Variants in TSPAN32 observed in about 807,000 individuals in gnomAD.
TSPAN32 encodes the protein tetraspanin-32.
In TSPAN32, 47 loss-of-function variants were observed where a neutral mutation model predicts 42.7. The observed-to-expected ratio is 1.10, with a 90% CI of 0.87 to 1.40. TSPAN32 has a LOEUF of 1.40. Among genes scored for constraint, TSPAN32 ranks in the 40% most tolerant of loss-of-function variants. TSPAN32 has a pLI of 0.00. For missense variants in TSPAN32, 469 were observed against 424.1 expected (o/e 1.11, Z -0.93); for synonymous variants, 175 against 175.9 (o/e 0.99, Z 0.04).
At chr11:2,310,858 AG>A (rs1368847190) in intron 4 of TSPAN32, among the ~76,000 whole-genome samples, 3 of 152,068 alleles carry the variant, frequency 2.0e-5, no homozygotes, top group Admixed American at 6.5e-5. Context: ...CTTTGGTGCC[AG>A]GGCCCGGGCC....
Position 2,302,017 on chromosome 11 carries a change from C to T in TSPAN32, c.-133C>T, listed in dbSNP as rs757112917. ...GGCACCCAGCAGCTCGGTCCTAGGG[C>T]GATGTTGACAGACAGACAGAGGGGC... is the stretch of plus-strand genomic sequence containing the variant. On this transcript the variant is annotated 5_prime_UTR_variant, in exon 1 of 10. Coordinates refer to ENST00000182290, the MANE Select transcript of TSPAN32 (RefSeq NM_139022.3). 7.4e-6 allele frequency: 11 copies of T among 1,492,734 alleles called. No individual in the cohort carries two copies. The highest frequency in any genetic ancestry group is 4.2e-5 in the African/African-American group (3 of 71,450). The allele number at this position is 1,492,734 out of a possible 1,614,324, so 92.5% of individuals were successfully genotyped here.
At chr11:2,302,618 G>A (rs1847821296) in intron 1 of TSPAN32, 2 of 577,382 alleles carry the variant, frequency 3.5e-6, no homozygotes, top group African/African-American at 1.9e-5. Flanking sequence ...AAGCTGGGCT[G>A]TGCGTGTATG....
chr11:2,302,186 C>T lies in TSPAN32; in HGVS notation c.37C>T (p.Gln13Ter). 7.1e-7 allele frequency: 1 copy of T among 1,410,034 alleles called. No individual in the cohort carries two copies. Among genetic ancestry groups the T allele is most frequent in the Non-Finnish European group, 9.3e-7 (1 of 1,076,942 alleles). The allele number at this position is 1,410,034 out of a possible 1,614,324, so 87.3% of individuals were successfully genotyped here. ...GAGTCGAGTCAGGGTTGCCAAATGC[C>T]AGATGCTGGTCACCTGCTTCTTTAT... Reference protein sequence around the residue: ...PWSRVRVAKCQMLVTCFFILL... With the variant: ...PWSRVRVAKC The change falls in exon 1 of 10, where the codon CAG (glutamine) becomes TAG (stop). Residue 13 changes from glutamine (Q) to a stop codon, truncating the protein, a stop_gained. Transcript: ENST00000182290. LOFTEE classifies it high-confidence loss of function.
intron 4 of TSPAN32, 104 bp downstream of exon 4, chr11:2,308,914 G>C: frequency 1.3e-6 from 1 of 793,584 alleles, no homozygotes; most frequent in South Asian, 1.7e-5. Flanking sequence ...CCAGCTTCCA[G>C]GCTTGTGCTG....
Position 2,302,061 on chromosome 11 carries a change from G to T in TSPAN32, c.-89G>T, listed in dbSNP as rs375443053. The T allele has an allele frequency of 6.0e-4, 893 of 1,496,098 alleles. 2 individuals are homozygous for T. In the Middle Eastern group the frequency reaches 0.017, roughly 28 times the overall value. The allele number at this position is 1,496,098 out of a possible 1,614,324, so 92.7% of individuals were successfully genotyped here. A position where few individuals can be genotyped will look rare whatever the true frequency, so the allele number is the denominator to read the frequency against. On this transcript the variant is annotated 5_prime_UTR_variant, in exon 1 of 10. Transcript: ENST00000182290. The stretch of plus-strand genomic sequence containing the variant: ...GAGGGGCGGATGCAGCCTACCTCCT[G>T]GGCAGTGAGCTGCGGTCTGAGGCCC...
chr11:2,309,380 G>A lies in TSPAN32; in HGVS notation c.354+570G>A, dbSNP rs528912518. 887 of 469,432 alleles carry A rather than the reference G, an allele frequency of 1.9e-3. 8 individuals carry two copies. The highest frequency in any genetic ancestry group is 0.015 in the African/African-American group (738 of 50,170). The allele number at this position is 469,432 out of a possible 1,614,324, so 29.1% of individuals were successfully genotyped here. A position where few individuals can be genotyped will look rare whatever the true frequency, so the allele number is the denominator to read the frequency against. ...GGAGGAGGGTCCGGCCTAGCTGACCGTGGGCAGGGGCCAAGGGCGTCCCCG... is the reference window on the plus strand; with the variant it reads ...GGAGGAGGGTCCGGCCTAGCTGACCATGGGCAGGGGCCAAGGGCGTCCCCG... On this transcript the variant is annotated intron_variant, in intron 4 of 9. Transcript: ENST00000182290.
At position 2,314,524 on chromosome 11, in the gene TSPAN32, G is replaced by A; in HGVS notation, c.496G>A (p.Gly166Arg). 1 of 1,612,534 alleles carries A rather than the reference G, an allele frequency of 6.2e-7. No homozygotes were observed. Among genetic ancestry groups the A allele is most frequent in the Non-Finnish European group, 8.5e-7 (1 of 1,179,414 alleles). The change falls in exon 6 of 10, where the codon GGG (glycine) becomes AGG (arginine). Residue 166 changes from glycine to arginine, a missense_variant. Physicochemically the swap from Gly to Arg is moderately radical, Grantham distance 125. Transcript: ENST00000182290. The part of the protein sequence containing the change: ...CGKKSPFSRL[G>R]STEADLCQGE... Reference sequence around the variant, plus strand: ...GAAGAAGTCTCCTTTCAGCCGTCTGGGGAGCACAGAGGCTGACCTGTGTCA... The same window carrying A: ...GAAGAAGTCTCCTTTCAGCCGTCTGAGGAGCACAGAGGCTGACCTGTGTCA...
At chr11:2,302,604 G>A in intron 1 of TSPAN32, 3 of 567,176 alleles carry the variant, frequency 5.3e-6, no homozygotes, top group Non-Finnish European at 9.4e-6. Context: ...CTGGGTGTCT[G>A]GGGAAGCTGG....
chr11:2,312,435 CG>C (rs1455308337), intron 4 of TSPAN32, among the ~76,000 whole-genome samples: 1 of 152,204 alleles, frequency 6.6e-6, no homozygotes, highest in Non-Finnish European at 1.5e-5. Flanking sequence ...CTGGGCACTG[CG>C]GGGAGGACAA....
rs879491539 is a variant in TSPAN32 at position 2,308,732 on chromosome 11, C to T, written c.280-4C>T. 5 of 1,566,238 alleles carry T rather than the reference C, an allele frequency of 3.2e-6. No homozygotes were observed. The highest frequency in any genetic ancestry group is 4.3e-6 in the Non-Finnish European group (5 of 1,155,318). ...AACAGTGACCAGCCCCGCTCTGCCC[C>T]CAGGGCTTCCTGTGCTTCTCCCTGG... On this transcript the variant is annotated splice_region_variant and splice_polypyrimidine_tract_variant and intron_variant, in intron 3 of 9. Coordinates refer to ENST00000182290, the MANE Select transcript of TSPAN32 (RefSeq NM_139022.3).
rs182859275 is a variant in TSPAN32, at chr11:2,317,580, C to G, written c.901+55C>G. ...GGGATCCCTGAGGGGAGGGTCCGAGCTGTGAGGAGGGAAGGGAGTGAAGGC... is the reference window on the plus strand; with the variant it reads ...GGGATCCCTGAGGGGAGGGTCCGAGGTGTGAGGAGGGAAGGGAGTGAAGGC... On this transcript the variant is annotated intron_variant, in intron 9 of 9. Transcript: ENST00000182290. This position sits in a 1 kb window ranked among gnomAD's most constrained non-coding sequence, Gnocchi z 6.2. 20 of 1,527,530 alleles carry G rather than the reference C, an allele frequency of 1.3e-5. No individual in the cohort carries two copies. The East Asian group carries it at 4.2e-4, about 32-fold the overall frequency. 94.6% of individuals were successfully genotyped at this position (1,527,530 alleles called of 1,614,324 possible).
intron 1 of TSPAN32, 71 bp from the exon 2 acceptor site, chr11:2,302,772 GC>G: frequency 7.7e-7 from 1 of 1,299,618 alleles, no homozygotes. Flanking sequence ...CCCCAACCCT[GC>G]CCGCTGGGGC....
intron 6 of TSPAN32, chr11:2,315,166 A>AC: frequency 4.3e-6 from 1 of 234,864 alleles, no homozygotes; most frequent in Non-Finnish European, 7.8e-6. Context: ...GCCCTCCCCC[A>AC]GCCCACCCTG....
At chr11:2,314,459 C>G in intron 5 of TSPAN32, 26 bp from the exon 6 acceptor site, 2 of 1,588,476 alleles carry the variant, frequency 1.3e-6, no homozygotes, top group Non-Finnish European at 8.6e-7. Flanking sequence ...GAGCACATCA[C>G]CACTCCCTCC....
intron 1 of TSPAN32, chr11:2,302,591 G>A (rs1847820009): frequency 3.5e-6 from 2 of 566,418 alleles, no homozygotes; most frequent in Admixed American, 3.2e-5. Context: ...ATGATCAGAG[G>A]TCCTGGGTGT....
At chr11:2,315,725 A>T (rs1456030551) in intron 6 of TSPAN32, 1 of 1,213,686 alleles carries the variant, frequency 8.2e-7, no homozygotes, top group African/African-American at 1.6e-5. Context: ...TTCTGAAAAG[A>T]TGCCTCTGGG....
chr11:2,316,408 T>C (rs756821488), intron 7 of TSPAN32, 96 bp downstream of exon 7: 24 of 1,544,146 alleles, frequency 1.6e-5, no homozygotes, highest in Non-Finnish European at 2.0e-5. Flanking sequence ...GGACAGGATC[T>C]CTGGTCTTGA....
At chr11:2,307,159 C>T (rs1278053658) in intron 3 of TSPAN32, among the ~76,000 whole-genome samples, 2 of 152,130 alleles carry the variant, frequency 1.3e-5, no homozygotes, top group Non-Finnish European at 2.9e-5. Context: ...CCTGTCCCTG[C>T]AGGGCTGGAG....
intron 4 of TSPAN32, among the ~76,000 whole-genome samples, chr11:2,311,528 A>T (rs1848459622): frequency 6.6e-6 from 1 of 151,742 alleles, no homozygotes; most frequent in Non-Finnish European, 1.5e-5. Flanking sequence ...TGGAGCCACT[A>T]CCCTCCCTGG....
Sources: gnomAD v4.1 joint callset for allele counts (sites outside exome capture counted in the v4.1 genomes callset) on GRCh38, gnomAD v4.1.1 for gene constraint, Gnocchi (gnomAD v3.1) non-coding constraint, MANE v1.5 for transcripts, NCBI Gene and HGNC (gene_info 2026-07-23, HGNC 2026-07-21) for gene names.